ABCC4: variants seen among roughly 807,000 people sequenced by gnomAD.
The protein encoded by ABCC4 is ATP binding cassette subfamily C member 4 (PEL blood group).
A neutral mutation model predicts 168.5 loss-of-function variants in ABCC4; 102 were observed. The observed-to-expected ratio is 0.61, with a 90% CI of 0.52 to 0.71. The LOEUF (loss-of-function observed/expected upper bound fraction) is 0.71, where lower values mean the gene tolerates loss of function less well. Ranked by LOEUF, ABCC4 falls within the 30% of genes least tolerant of loss-of-function variation. The pLI is 0.00. For missense variants in ABCC4, 1,402 were observed against 1,605.8 expected (o/e 0.87, Z 2.17); for synonymous variants, 617 against 590.7 (o/e 1.04, Z -0.65).
chr13:95,120,567 CAAAAA>C (rs35906536), intron 19 of ABCC4, among the ~76,000 whole-genome samples: 4 of 90,836 alleles, frequency 4.4e-5, no homozygotes, highest in Admixed American at 1.3e-4. Flanking sequence ...GAGACTCCGT[CAAAAA>C]AAAAAAAAAA....
chr13:95,247,778 A>G, intron 1 of ABCC4, 25 bp from the exon 2 acceptor site: 1 of 1,580,126 alleles, frequency 6.3e-7, no homozygotes, highest in South Asian at 1.1e-5. Flanking sequence ...AAAGAGACAT[A>G]TATCCAGAAT....
chr13:95,280,206 A>C (rs1442055604), intron 1 of ABCC4, among the ~76,000 whole-genome samples: 1 of 152,080 alleles, frequency 6.6e-6, no homozygotes, highest in East Asian at 1.9e-4. Context: ...ACTTGTAATC[A>C]GGAGTTCGAG....
At chr13:95,074,143 G>A in intron 23 of ABCC4, 71 bp downstream of exon 23, 1 of 1,210,772 alleles carries the variant, frequency 8.3e-7, no homozygotes, top group Non-Finnish European at 1.2e-6. Context: ...AAGGTGGCAA[G>A]AGTTTAATAA....
At chr13:95,140,957 C>T (rs552000273) in intron 19 of ABCC4, among the ~76,000 whole-genome samples, 1 of 152,346 alleles carries the variant, frequency 6.6e-6, no homozygotes, top group Admixed American at 6.5e-5. Flanking sequence ...AGACCATGAC[C>T]TTAACTGTGT....
At chr13:95,063,093 G>T (rs1407796333) in intron 25 of ABCC4, among the ~76,000 whole-genome samples, 1 of 152,126 alleles carries the variant, frequency 6.6e-6, no homozygotes, top group South Asian at 2.1e-4. Context: ...GGACCCTACT[G>T]CATAGATACC....
Position 95,083,588 on chromosome 13 carries a change from G to GC in ABCC4, c.2536-299dup, listed in dbSNP as rs796827622. On this transcript the variant is annotated intron_variant, in intron 20 of 30. Coordinates refer to ENST00000645237, the MANE Select transcript of ABCC4 (RefSeq NM_005845.5). The stretch of plus-strand genomic sequence containing the variant: ...GTCACCCAGGCTGGAGTGAAGTGGT[G>GC]CCATCTCCTCTCACTGCAGCCTCCC... Among the ~76,000 whole-genome samples, 8 of 149,568 alleles carry GC rather than the reference G, an allele frequency of 5.3e-5. 1 individual carries two copies. Among genetic ancestry groups the GC allele is most frequent in the African/African-American group, 2.0e-4 (8 of 40,434 alleles).
intron 1 of ABCC4, among the ~76,000 whole-genome samples, chr13:95,262,522 A>G (rs2040556950): frequency 6.6e-6 from 1 of 152,220 alleles, no homozygotes; most frequent in South Asian, 2.1e-4. Flanking sequence ...CCCAAAAATC[A>G]GTCCTCCAGG....
chr13:95,046,627 G>C (rs1428474958), intron 27 of ABCC4, among the ~76,000 whole-genome samples: 3 of 152,082 alleles, frequency 2.0e-5, no homozygotes, highest in Non-Finnish European at 4.4e-5. Flanking sequence ...AATTAGCTGG[G>C]CATGGTGGCG....
intron 1 of ABCC4, among the ~76,000 whole-genome samples, chr13:95,296,152 A>ACACT (rs1183626602): frequency 4.2e-5 from 2 of 47,900 alleles, no homozygotes; most frequent in Non-Finnish European, 6.8e-5. Context: ...ACACACACAC[A>ACACT]CACACACACA....
intron 25 of ABCC4, among the ~76,000 whole-genome samples, chr13:95,067,400 G>A (rs967946450): frequency 6.6e-6 from 1 of 152,130 alleles, no homozygotes; most frequent in African/African-American, 2.4e-5. Context: ...TCACAAGAGG[G>A]GCTGGGGCAA....
intron 19 of ABCC4, among the ~76,000 whole-genome samples, chr13:95,141,216 G>A (rs763970143): frequency 3.3e-5 from 5 of 152,308 alleles, no homozygotes; most frequent in Admixed American, 1.3e-4. Flanking sequence ...ATTACAAGTC[G>A]GAGGCAAAGG....
At chr13:95,172,552 C>T (rs563007584) in intron 13 of ABCC4, among the ~76,000 whole-genome samples, 145 of 141,972 alleles carry the variant, frequency 1.0e-3, no homozygotes, top group Admixed American at 3.1e-3. Flanking sequence ...GGCAACAGAG[C>T]GAGACTCTGC....
chr13:95,210,662 A>C (rs369262826), intron 5 of ABCC4, 30 bp downstream of exon 5: 1 of 1,582,924 alleles, frequency 6.3e-7, no homozygotes, highest in African/African-American at 1.3e-5. Flanking sequence ...GTTTAATGCA[A>C]TGAAAAAGGA....
chr13:95,122,041 T>C (rs2035588521), intron 19 of ABCC4, among the ~76,000 whole-genome samples: 1 of 152,188 alleles, frequency 6.6e-6, no homozygotes, highest in African/African-American at 2.4e-5. Flanking sequence ...CATTCTGGGA[T>C]TTCCATAAGG....
chr13:95,113,811 C>T (rs941189241), intron 20 of ABCC4, among the ~76,000 whole-genome samples: 11 of 152,144 alleles, frequency 7.2e-5, no homozygotes, highest in African/African-American at 1.9e-4. Context: ...TTGTTTACCA[C>T]GTTTCACTTG....
intron 13 of ABCC4, among the ~76,000 whole-genome samples, chr13:95,173,917 C>T (rs2037569195): frequency 6.6e-6 from 1 of 152,242 alleles, no homozygotes. Flanking sequence ...AGCGTGAGCC[C>T]TCTCCAGGCA....
In ABCC4 at chr13:95,203,827, C is replaced by A. The variant is rs115562741; in HGVS notation, c.1161+2705G>T. On this transcript the variant is annotated intron_variant, in intron 8 of 30. Coordinates refer to ENST00000645237, the MANE Select transcript of ABCC4 (RefSeq NM_005845.5). Reference sequence around the variant, plus strand: ...CCCAGAGTTAAGGACCCTCACACCCCCCTTGAACAAGGCCTGGTGTTCTGG... The same window carrying A: ...CCCAGAGTTAAGGACCCTCACACCCACCTTGAACAAGGCCTGGTGTTCTGG... 2.5e-3 allele frequency among the ~76,000 whole-genome samples: 377 copies of A among 152,232 alleles called. 1 individual carries two copies. The highest frequency in any genetic ancestry group is 8.6e-3 in the African/African-American group (359 of 41,526).
intron 1 of ABCC4, among the ~76,000 whole-genome samples, chr13:95,287,464 G>A (rs56399211): frequency 0.018 from 2,784 of 150,954 alleles, 77 homozygotes; most frequent in African/African-American, 0.061. Context: ...GCAGGCACCT[G>A]TAATCCCAGC....
intron 19 of ABCC4, among the ~76,000 whole-genome samples, chr13:95,128,381 T>A (rs1180831439): frequency 6.6e-6 from 1 of 152,196 alleles, no homozygotes; most frequent in African/African-American, 2.4e-5. Flanking sequence ...AACTCTTTTG[T>A]TCTCCCATAA....
Sources: gnomAD v4.1 joint callset for allele counts (sites outside exome capture counted in the v4.1 genomes callset) on GRCh38, gnomAD v4.1.1 for gene constraint, MANE v1.5 for transcripts, NCBI Gene and HGNC (gene_info 2026-07-23, HGNC 2026-07-21) for gene names.